The following CLSTN2 variants were observed in gnomAD, a reference collection of about 807,000 sequenced individuals.
CLSTN2 encodes the protein calsyntenin-2.
In CLSTN2, 48 loss-of-function variants were observed where a neutral mutation model predicts 101.2. The observed-to-expected ratio is 0.47, with a 90% CI of 0.38 to 0.60. CLSTN2 has a LOEUF of 0.60. Among genes scored for constraint, CLSTN2 ranks in the 20% least tolerant of loss-of-function variants. CLSTN2 has a pLI of 0.00. For missense variants in CLSTN2, 1,160 were observed against 1,238.2 expected (o/e 0.94, Z 0.95); for synonymous variants, 481 against 463.6 (o/e 1.04, Z -0.48).
intron 2 of CLSTN2, among the ~76,000 whole-genome samples, chr3:140,305,816 G>C (rs1052513440): frequency 1.3e-5 from 2 of 151,992 alleles, no homozygotes; most frequent in Admixed American, 1.3e-4. Context: ...CATGAATATG[G>C]GTTTTTTTTT....
chr3:140,152,925 C>A (rs1321959779), intron 1 of CLSTN2, among the ~76,000 whole-genome samples: 1 of 152,212 alleles, frequency 6.6e-6, no homozygotes, highest in Non-Finnish European at 1.5e-5. Flanking sequence ...GCCCTGGAGC[C>A]AAAGTCTTTT....
At chr3:140,523,085 A>G (rs1935065166) in intron 8 of CLSTN2, among the ~76,000 whole-genome samples, 1 of 151,818 alleles carries the variant, frequency 6.6e-6, no homozygotes, top group African/African-American at 2.4e-5. Flanking sequence ...TTCTCAGTTC[A>G]GGATTTCTAC....
chr3:140,144,676 G>A (rs2009755513), intron 1 of CLSTN2, among the ~76,000 whole-genome samples: 1 of 151,972 alleles, frequency 6.6e-6, no homozygotes, highest in African/African-American at 2.4e-5. Flanking sequence ...ATTGCTTTCA[G>A]GGCCCATAAA....
chr3:140,062,054 G>A (rs1392962027), intron 1 of CLSTN2, among the ~76,000 whole-genome samples: 1 of 152,192 alleles, frequency 6.6e-6, no homozygotes, highest in Non-Finnish European at 1.5e-5. Context: ...AATAGTGGTA[G>A]TGGTAGAGTA....
At chr3:140,028,027 ATG>A (rs2007458304) in intron 1 of CLSTN2, among the ~76,000 whole-genome samples, 1 of 152,162 alleles carries the variant, frequency 6.6e-6, no homozygotes, top group African/African-American at 2.4e-5. Context: ...GAAGGTAATG[ATG>A]TGTTCAGGAA....
At chr3:140,088,738 T>C (rs2008720030) in intron 1 of CLSTN2, among the ~76,000 whole-genome samples, 1 of 152,200 alleles carries the variant, frequency 6.6e-6, no homozygotes. Context: ...GATGTGGTGA[T>C]GTCATGCCTC....
intron 2 of CLSTN2, among the ~76,000 whole-genome samples, chr3:140,375,720 T>A (rs1046916596): frequency 1.3e-5 from 2 of 152,228 alleles, no homozygotes; most frequent in African/African-American, 4.8e-5. Context: ...TTTATCTTGC[T>A]CATTTTTATT....
intron 4 of CLSTN2, among the ~76,000 whole-genome samples, chr3:140,414,573 G>A (rs564734180): frequency 1.4e-4 from 21 of 152,048 alleles, no homozygotes; most frequent in African/African-American, 4.3e-4. Context: ...AGAAGGAAAA[G>A]GATGAGAAGT....
chr3:140,533,781 C>T (rs1053023466), intron 9 of CLSTN2, among the ~76,000 whole-genome samples: 2 of 149,970 alleles, frequency 1.3e-5, no homozygotes, highest in Non-Finnish European at 3.0e-5. Flanking sequence ...CTAGGACTGA[C>T]ACATGCCCCT....
intron 8 of CLSTN2, among the ~76,000 whole-genome samples, chr3:140,526,834 A>T (rs1026165611): frequency 5.9e-5 from 9 of 152,226 alleles, no homozygotes; most frequent in Admixed American, 5.9e-4. Context: ...AAACAATGGA[A>T]TAAGGACACT....
intron 5 of CLSTN2, among the ~76,000 whole-genome samples, chr3:140,447,463 T>C (rs1290841892): frequency 6.6e-6 from 1 of 152,240 alleles, no homozygotes; most frequent in African/African-American, 2.4e-5. Context: ...TATCAGTCAA[T>C]TCCTGTGTAC....
chr3:140,559,646 G>A (rs748778536), intron 12 of CLSTN2, among the ~76,000 whole-genome samples: 3 of 151,954 alleles, frequency 2.0e-5, no homozygotes, highest in East Asian at 1.9e-4. Flanking sequence ...TCCGAGGGAC[G>A]GGGGAAATAT....
intron 1 of CLSTN2, among the ~76,000 whole-genome samples, chr3:140,130,917 G>T (rs977514069): frequency 2.0e-4 from 31 of 152,056 alleles, no homozygotes; most frequent in Admixed American, 1.8e-3. Context: ...ATAGTTTCCT[G>T]TTCCTGAGCT....
chr3:140,451,901 G>A (rs1704318692), intron 6 of CLSTN2, among the ~76,000 whole-genome samples: 1 of 152,188 alleles, frequency 6.6e-6, no homozygotes, highest in South Asian at 2.1e-4. Context: ...GATGGAAACA[G>A]GGAGACCAAT....
At chr3:140,366,997 T>C (rs1229559282) in intron 2 of CLSTN2, among the ~76,000 whole-genome samples, 2 of 152,112 alleles carry the variant, frequency 1.3e-5, no homozygotes, top group African/African-American at 4.8e-5. Context: ...AAGGTGGGCT[T>C]GGTATGGTGG....
intron 1 of CLSTN2, among the ~76,000 whole-genome samples, chr3:140,103,867 G>A (rs898164952): frequency 4.6e-5 from 7 of 152,162 alleles, no homozygotes; most frequent in African/African-American, 1.4e-4. Context: ...AAAGGGATTT[G>A]CAAGACAAGG....
At chr3:140,380,787 C>A (rs1056362953) in intron 2 of CLSTN2, among the ~76,000 whole-genome samples, 17 of 152,210 alleles carry the variant, frequency 1.1e-4, no homozygotes, top group South Asian at 2.1e-4. Context: ...TACAGACAGG[C>A]AACCCATGGC....
chr3:140,305,817 G>GT (rs570296192), intron 2 of CLSTN2, among the ~76,000 whole-genome samples: 233 of 149,404 alleles, frequency 1.6e-3, no homozygotes, highest in Non-Finnish European at 2.4e-3. Flanking sequence ...ATGAATATGG[G>GT]TTTTTTTTTT....
chr3:140,116,457 G>A (rs527417860), intron 1 of CLSTN2, among the ~76,000 whole-genome samples: 1 of 152,272 alleles, frequency 6.6e-6, no homozygotes, highest in South Asian at 2.1e-4. Flanking sequence ...CTTCTTACAG[G>A]AATCAGGAAT....
Sources: allele counts gnomAD v4.1 joint callset (sites outside exome capture counted in the v4.1 genomes callset), GRCh38; gene constraint gnomAD v4.1.1; transcripts MANE v1.5; gene names NCBI Gene and HGNC (gene_info 2026-07-23, HGNC 2026-07-21).